ITSN1: variants seen among roughly 807,000 people sequenced by gnomAD.
ITSN1 encodes the protein intersectin 1.
In ITSN1, 58 loss-of-function variants were observed where a neutral mutation model predicts 239.8. The observed-to-expected ratio is 0.24, with a 90% CI of 0.20 to 0.30. The LOEUF is 0.30. ITSN1 is among the 10% of genes least tolerant of loss of function. The pLI is 1.00. For missense variants in ITSN1, 1,558 were observed against 2,103.3 expected (o/e 0.74, Z 5.07); for synonymous variants, 780 against 770.8 (o/e 1.01, Z -0.20).
At chr21:33,838,542 G>A (rs1042220990) in intron 29 of ITSN1, 1 of 837,712 alleles carries the variant, frequency 1.2e-6, no homozygotes, top group African/African-American at 1.8e-5. Flanking sequence ...CCTGGCAGTG[G>A]TGGTGAGGAA....
rs554133518 is a variant in ITSN1 at position 33,797,928 on chromosome 21, C to T, written c.2182+320C>T. Among the ~76,000 whole-genome samples the T allele has an allele frequency of 2.2e-4, 34 of 152,284 alleles. No individual in the cohort carries two copies. The highest frequency in any genetic ancestry group is 7.9e-4 in the African/African-American group (33 of 41,554). Reference sequence around the variant, plus strand: ...GTTTCTCTGGTTTGTTATTTCCCTCCCTGGAATTTCTGAGCTGTTTCTGCA... The same window carrying T: ...GTTTCTCTGGTTTGTTATTTCCCTCTCTGGAATTTCTGAGCTGTTTCTGCA... On this transcript the variant is annotated intron_variant, in intron 18 of 39. Transcript: ENST00000381318. This position sits in a 1 kb window ranked among gnomAD's most constrained non-coding sequence, Gnocchi z 4.9.
chr21:33,709,145 G>A (rs1039049820), intron 1 of ITSN1, among the ~76,000 whole-genome samples: 15 of 152,132 alleles, frequency 9.9e-5, no homozygotes, highest in African/African-American at 3.1e-4. Context: ...TCAGCTTGCC[G>A]ATTTCTGCCA....
At chr21:33,726,999 A>G (rs2065870336) in intron 4 of ITSN1, among the ~76,000 whole-genome samples, 1 of 152,112 alleles carries the variant, frequency 6.6e-6, no homozygotes, top group African/African-American at 2.4e-5. Flanking sequence ...CAGTTAACTA[A>G]TTTGTTAACT....
chr21:33,868,571 C>T (rs1249536832), intron 33 of ITSN1, among the ~76,000 whole-genome samples: 5 of 152,356 alleles, frequency 3.3e-5, no homozygotes, highest in South Asian at 2.1e-4. Context: ...TGCTAAGTCC[C>T]TCATTGCCCG....
intron 1 of ITSN1, among the ~76,000 whole-genome samples, chr21:33,700,854 T>C (rs548202949): frequency 9.2e-5 from 14 of 152,324 alleles, no homozygotes; most frequent in African/African-American, 3.1e-4. Flanking sequence ...TTTTAGTCTC[T>C]AGGTCATTAA....
chr21:33,651,594 A>G (rs941798521), intron 1 of ITSN1, among the ~76,000 whole-genome samples: 1 of 152,254 alleles, frequency 6.6e-6, no homozygotes, highest in Non-Finnish European at 1.5e-5. Context: ...AAGATCAAGA[A>G]TTATTTAGCT....
intron 20 of ITSN1, among the ~76,000 whole-genome samples, chr21:33,803,514 T>G (rs142197578): frequency 6.6e-6 from 1 of 152,314 alleles, no homozygotes; most frequent in Admixed American, 6.5e-5. Context: ...CATATACACA[T>G]AAGATTTCCA....
intron 5 of ITSN1, chr21:33,735,766 G>A (rs2066460133): frequency 6.5e-6 from 1 of 153,494 alleles, no homozygotes; most frequent in African/African-American, 2.4e-5. Flanking sequence ...ACTTTGGGAG[G>A]CTGAGGCAGG....
chr21:33,820,787 G>A (rs996334697), intron 24 of ITSN1, among the ~76,000 whole-genome samples: 25 of 152,014 alleles, frequency 1.6e-4, no homozygotes, highest in African/African-American at 5.1e-4. Context: ...GGGTAACAAG[G>A]CAAAAAGCTC....
intron 1 of ITSN1, among the ~76,000 whole-genome samples, chr21:33,653,158 C>T (rs2088699952): frequency 6.6e-6 from 1 of 152,070 alleles, no homozygotes; most frequent in Non-Finnish European, 1.5e-5. Flanking sequence ...CCATGCCCAG[C>T]TAATTTTTAT....
At position 33,755,372 on chromosome 21, in the gene ITSN1, C is replaced by A; in HGVS notation, c.699C>A (p.Asp233Glu). Residue 233 changes from aspartate (D) to glutamate (E), a missense_variant, in exon 8 of 40, where the codon GAC (aspartate) becomes GAA (glutamate). Physicochemically the swap from Asp to Glu is conservative, Grantham distance 45. This residue lies in a region of ITSN1 where 982 missense variants were observed against 1,209.9 expected (regional missense o/e 0.81). Coordinates refer to ENST00000381318, the MANE Select transcript of ITSN1 (RefSeq NM_003024.3). ...LKYRQLFNSH[D>E]KTMSGHLTGP... ...ACAGGCAATTATTCAATAGTCATGA[C>A]AAAACTATGAGTGGACACTTAACAG... 1 of 1,599,244 alleles carries A rather than the reference C, an allele frequency of 6.3e-7. No homozygotes were observed. The highest frequency in any genetic ancestry group is 8.6e-7 in the Non-Finnish European group (1 of 1,168,882).
intron 1 of ITSN1, 64 bp from the exon 2 acceptor site, chr21:33,718,733 G>T: frequency 1.0e-6 from 1 of 994,826 alleles, no homozygotes; most frequent in Non-Finnish European, 1.6e-6. Flanking sequence ...TAGCATGTTG[G>T]TGTGTTTATG....
At chr21:33,766,137 T>G in intron 10 of ITSN1, 125 bp downstream of exon 10, 5 of 987,184 alleles carry the variant, frequency 5.1e-6, no homozygotes, top group Non-Finnish European at 6.1e-6. Context: ...CCGTGAATTC[T>G]AGAGACTCTC....
intron 7 of ITSN1, among the ~76,000 whole-genome samples, chr21:33,752,623 C>T (rs1267791096): frequency 2.0e-5 from 3 of 152,242 alleles, no homozygotes; most frequent in Non-Finnish European, 4.4e-5. Context: ...TGGTGGCTCA[C>T]ACCTGTAATC....
chr21:33,748,324 T>C (rs2067311417), intron 5 of ITSN1, among the ~76,000 whole-genome samples: 1 of 152,016 alleles, frequency 6.6e-6, no homozygotes. Flanking sequence ...GTGGTGCGTG[T>C]CTATAGTCCC....
At chr21:33,653,005 T>G (rs2088681744) in intron 1 of ITSN1, among the ~76,000 whole-genome samples, 1 of 151,426 alleles carries the variant, frequency 6.6e-6, no homozygotes, top group East Asian at 1.9e-4. Context: ...TTCTTTTTTT[T>G]TTTTTTTTTG....
chr21:33,810,126 C>T (rs534161405), intron 20 of ITSN1, among the ~76,000 whole-genome samples: 19 of 152,290 alleles, frequency 1.2e-4, no homozygotes, highest in South Asian at 2.1e-4. Flanking sequence ...ATGTGATTGT[C>T]CTCCAAAGTC....
At position 33,895,632 on chromosome 21, in the gene ITSN1, CGTGT is replaced by C. The variant is rs985709163; in HGVS notation, c.*7338_*7341del. On this transcript the variant is annotated 3_prime_UTR_variant, in exon 40 of 40. Transcript: ENST00000381318. ...GCGTGTGTGCGTATTTGTGTGTGTGCGTGTGTGTGCGTGTGTATGTGCGTGTATG... is the reference window on the plus strand; with the variant it reads ...GCGTGTGTGCGTATTTGTGTGTGTGCGTGTGCGTGTGTATGTGCGTGTATG... The C allele has an allele frequency of 1.0e-5, 1 of 96,440 alleles. No homozygotes were observed. Among genetic ancestry groups the C allele is most frequent in the Non-Finnish European group, 2.3e-5 (1 of 44,018 alleles). 6.0% of individuals were successfully genotyped at this position (96,440 alleles called of 1,614,324 possible). A position where few individuals can be genotyped will look rare whatever the true frequency, so the allele number is the denominator to read the frequency against.
intron 29 of ITSN1, among the ~76,000 whole-genome samples, chr21:33,849,984 G>A (rs777243748): frequency 1.3e-5 from 2 of 152,156 alleles, no homozygotes; most frequent in Non-Finnish European, 2.9e-5. Context: ...ACATAGAAGG[G>A]GCCTGGAATG....
Sources: gnomAD v4.1 joint callset for allele counts (sites outside exome capture counted in the v4.1 genomes callset) on GRCh38, gnomAD v4.1.1 for gene constraint, gnomAD v4.1.1 regional missense constraint, Gnocchi (gnomAD v3.1) non-coding constraint, MANE v1.5 for transcripts, NCBI Gene and HGNC (gene_info 2026-07-23, HGNC 2026-07-21) for gene names.